Variants in SPATA7 observed in about 807,000 individuals in gnomAD.
The protein encoded by SPATA7 is spermatogenesis-associated protein 7.
SPATA7 carries 43 observed loss-of-function variants against 51.8 expected under a neutral mutation model. That is an observed-to-expected ratio of 0.83 (90% confidence interval 0.65 to 1.07). The LOEUF (loss-of-function observed/expected upper bound fraction) is 1.07. Among genes scored for constraint, SPATA7 ranks in the 50% least tolerant of loss-of-function variants. SPATA7 has a pLI of 0.00. For missense variants in SPATA7, 683 were observed against 701.3 expected (o/e 0.97, Z 0.30); for synonymous variants, 230 against 252.8 (o/e 0.91, Z 0.86).
Position 88,437,894 on chromosome 14 carries a change from G to T in SPATA7, c.1272G>T (p.Glu424Asp). 6.2e-7 allele frequency: 1 copy of T among 1,610,766 alleles called. No homozygotes were observed. The highest frequency in any genetic ancestry group is 8.5e-7 in the Non-Finnish European group (1 of 1,178,388). The change falls in exon 12 of 12, where the codon GAG becomes GAT. Residue 424 changes from glutamate (E) to aspartate (D), a missense_variant. Physicochemically the swap from Glu to Asp is conservative, Grantham distance 45. Transcript: ENST00000393545. The part of the protein sequence containing the change: ...VLKVDLGCTS[E>D]ENSVKQNDVD... ...AAGTAGACTTAGGCTGCACATCGGA[G>T]GAAAACTCGGTAAAGCAAAATGATG...
At chr14:88,412,882 A>C (rs1479348950) in intron 4 of SPATA7, among the ~76,000 whole-genome samples, 1 of 152,166 alleles carries the variant, frequency 6.6e-6, no homozygotes, top group African/African-American at 2.4e-5. Context: ...TGCCAAGGCC[A>C]ATGTCCAGCA....
At chr14:88,420,508 G>A (rs1327232811) in intron 5 of SPATA7, among the ~76,000 whole-genome samples, 1 of 152,062 alleles carries the variant, frequency 6.6e-6, no homozygotes, top group Admixed American at 6.5e-5. Context: ...TGAGAGCTGT[G>A]TTCTTTCCAT....
intron 4 of SPATA7, among the ~76,000 whole-genome samples, chr14:88,410,231 C>G (rs2076303259): frequency 6.6e-6 from 1 of 152,150 alleles, no homozygotes. Flanking sequence ...GTCTAAGTCT[C>G]TTTGTAGGTC....
intron 9 of SPATA7, among the ~76,000 whole-genome samples, chr14:88,431,962 TAAC>T (rs1276422378): frequency 6.6e-6 from 1 of 152,212 alleles, no homozygotes; most frequent in African/African-American, 2.4e-5. Context: ...TGAGAAATAA[TAAC>T]AACTTTCTGG....
At chr14:88,454,112 A>G (rs943642280) in intron 3 of SPATA7, among the ~76,000 whole-genome samples, 2 of 152,176 alleles carry the variant, frequency 1.3e-5, no homozygotes, top group African/African-American at 4.8e-5. Context: ...AGTTACCACA[A>G]ACATTAAAAA....
In SPATA7 at chr14:88,421,669, G is replaced by A. The variant is rs191075380; in HGVS notation, c.373-4563G>A. ...AGAAATAATTAGAAAGTAGAATCTC[G>A]GCCGGGCGTGGTGGCTCATGGCTGT... On this transcript the variant is annotated intron_variant, in intron 5 of 11. Transcript: ENST00000393545. Among the ~76,000 whole-genome samples, 675 of 152,238 alleles carry A rather than the reference G, an allele frequency of 4.4e-3. 4 individuals carry two copies. The highest frequency in any genetic ancestry group is 0.016 in the African/African-American group (650 of 41,542).
At chr14:88,387,780 G>A (rs1257838099) in intron 1 of SPATA7, among the ~76,000 whole-genome samples, 1 of 152,152 alleles carries the variant, frequency 6.6e-6, no homozygotes. Flanking sequence ...TAAAATGGGG[G>A]CTTGGACTAG....
At chr14:88,427,261 A>G (rs968203191) in intron 6 of SPATA7, among the ~76,000 whole-genome samples, 6 of 152,230 alleles carry the variant, frequency 3.9e-5, no homozygotes, top group African/African-American at 1.4e-4. Context: ...ATGAATGTTC[A>G]ATAAAAGTTT....
Position 88,438,012 on chromosome 14 carries a change from C to A in SPATA7, c.1390C>A (p.Arg464Ser), listed in dbSNP as rs143982149. 1.9e-6 allele frequency: 3 copies of A among 1,614,012 alleles called. No individual in the cohort carries two copies. Among genetic ancestry groups the A allele is most frequent in the East Asian group, 4.5e-5 (2 of 44,850 alleles). Residue 464 changes from arginine to serine, a missense_variant, in exon 12 of 12, where the codon CGT becomes AGT. Arg to Ser is a moderately radical substitution (Grantham distance 110). Transcript: ENST00000393545. ...AAGTGAAGTAACAATTCAGCAGGAA[C>A]GTCAACAATACCAAAAGGCTTTGGA... Reference protein sequence around the residue: ...NESEVTIQQERQQYQKALDML... With the variant: ...NESEVTIQQESQQYQKALDML...
chr14:88,429,979 C>T (rs957008672), intron 8 of SPATA7, among the ~76,000 whole-genome samples: 1 of 151,626 alleles, frequency 6.6e-6, no homozygotes, highest in Non-Finnish European at 1.5e-5. Context: ...GGTCTCAGCT[C>T]ACTGCAATGG....
chr14:88,456,730 T>G (rs2077286316), downstream of SPATA7, among the ~76,000 whole-genome samples: 1 of 152,146 alleles, frequency 6.6e-6, no homozygotes, highest in Admixed American at 6.5e-5. Flanking sequence ...TTAGTTTAAT[T>G]AGATCCCATT....
At chr14:88,445,010 A>C (rs1460254298) in intron 3 of SPATA7, among the ~76,000 whole-genome samples, 1 of 151,908 alleles carries the variant, frequency 6.6e-6, no homozygotes, top group Non-Finnish European at 1.5e-5. Flanking sequence ...AGTTTTTTCC[A>C]GTTCTGTGAA....
chr14:88,433,047 A>G, intron 9 of SPATA7, 88 bp from the exon 10 acceptor site: 1 of 960,278 alleles, frequency 1.0e-6, no homozygotes, highest in Non-Finnish European at 1.6e-6. Flanking sequence ...GTAGAGATAG[A>G]TATTTCTAAT....
chr14:88,418,168 G>A (rs1204349606), intron 5 of SPATA7, among the ~76,000 whole-genome samples: 5 of 152,094 alleles, frequency 3.3e-5, no homozygotes, highest in Non-Finnish European at 7.4e-5. Context: ...TCTCATCAGA[G>A]ATTGAGTCAG....
At chr14:88,405,846 A>G (rs1458468723) in intron 4 of SPATA7, among the ~76,000 whole-genome samples, 3 of 152,240 alleles carry the variant, frequency 2.0e-5, no homozygotes, top group Non-Finnish European at 2.9e-5. Context: ...GGGATTTGAC[A>G]GCATATAGGG....
chr14:88,436,212 T>C lies in SPATA7; in HGVS notation c.1161-1331T>C, dbSNP rs374199978. 8.5e-5 allele frequency among the ~76,000 whole-genome samples: 13 copies of C among 152,236 alleles called. No homozygotes were observed. In the East Asian group the frequency reaches 2.3e-3, roughly 27 times the overall value. On this transcript the variant is annotated intron_variant, in intron 10 of 11. Coordinates refer to ENST00000393545, the MANE Select transcript of SPATA7 (RefSeq NM_018418.5). The stretch of plus-strand genomic sequence containing the variant: ...ATTCCTGTCTACAATTCGTATGTCT[T>C]TTGAGAATTGTCTATTCAAATCTTT...
chr14:88,428,924 A>G (rs1595277528), intron 7 of SPATA7: 2 of 193,872 alleles, frequency 1.0e-5, no homozygotes, highest in Admixed American at 5.5e-5. Flanking sequence ...AGCTGCCATT[A>G]TTTTTGTTTG....
chr14:88,427,954 C>A, intron 7 of SPATA7: 1 of 376,082 alleles, frequency 2.7e-6, no homozygotes, highest in Non-Finnish European at 4.9e-6. Flanking sequence ...GCTGGCTGGA[C>A]AAATGGAAGG....
intron 5 of SPATA7, among the ~76,000 whole-genome samples, chr14:88,417,159 A>G (rs1183869631): frequency 6.6e-6 from 1 of 151,272 alleles, no homozygotes; most frequent in African/African-American, 2.4e-5. Flanking sequence ...ATACCTTCGA[A>G]CATCTGGTTA....
Sources: gnomAD v4.1 joint callset for allele counts (sites outside exome capture counted in the v4.1 genomes callset) on GRCh38, gnomAD v4.1.1 for gene constraint, MANE v1.5 for transcripts, NCBI Gene and HGNC (gene_info 2026-07-23, HGNC 2026-07-21) for gene names.